Variants in KLHL1 observed in about 807,000 individuals in gnomAD.
The protein encoded by KLHL1 is kelch-like protein 1.
Under a neutral mutation model 77.7 loss-of-function variants are expected in KLHL1, and 47 were observed. The ratio of observed to expected loss-of-function variants is 0.60; its 90% CI spans 0.48 to 0.77. KLHL1 has a LOEUF of 0.77. Among genes scored for constraint, KLHL1 ranks in the 30% least tolerant of loss-of-function variants. The probability of loss-of-function intolerance (pLI) is 0.00; values close to 1 mark genes in which losing one functional copy is unlikely to be tolerated. For missense variants in KLHL1, 925 were observed against 910.8 expected, an observed-to-expected ratio of 1.02 and a Z score of -0.20; for synonymous variants, 360 against 325.2, an observed-to-expected ratio of 1.11 and a Z score of -1.15.
At chr13:69,823,227 T>C (rs1878410961) in intron 6 of KLHL1, among the ~76,000 whole-genome samples, 1 of 152,176 alleles carries the variant, frequency 6.6e-6, no homozygotes, top group South Asian at 2.1e-4. Context: ...TGCTCTTGCA[T>C]CAGCATGTAC....
At chr13:69,752,126 T>C (rs951559946) in intron 7 of KLHL1, among the ~76,000 whole-genome samples, 1 of 152,156 alleles carries the variant, frequency 6.6e-6, no homozygotes, top group African/African-American at 2.4e-5. Flanking sequence ...CTTAGAAAAG[T>C]GCTTGGCACA....
At chr13:69,840,655 T>C (rs991765201) in intron 5 of KLHL1, among the ~76,000 whole-genome samples, 5 of 151,686 alleles carry the variant, frequency 3.3e-5, no homozygotes, top group African/African-American at 1.2e-4. Flanking sequence ...TAGCTGCCTT[T>C]CTACGCACTT....
At chr13:69,879,531 G>A (rs906626995) in intron 5 of KLHL1, among the ~76,000 whole-genome samples, 3 of 151,838 alleles carry the variant, frequency 2.0e-5, no homozygotes, top group East Asian at 1.9e-4. Context: ...TTAATCATTC[G>A]AAAAAAAGCA....
At chr13:69,940,957 A>G (rs534431901) in intron 3 of KLHL1, among the ~76,000 whole-genome samples, 3 of 151,956 alleles carry the variant, frequency 2.0e-5, no homozygotes, top group African/African-American at 7.2e-5. Context: ...TTAATTAGTA[A>G]TTCAATGAGT....
chr13:69,926,035 T>C (rs376985856), intron 4 of KLHL1, among the ~76,000 whole-genome samples: 13 of 152,368 alleles, frequency 8.5e-5, no homozygotes, highest in Admixed American at 6.5e-4. Flanking sequence ...TCAGTCTATA[T>C]AGCAAGTTCA....
At chr13:70,088,119 C>G (rs1887588839) in intron 1 of KLHL1, among the ~76,000 whole-genome samples, 1 of 152,130 alleles carries the variant, frequency 6.6e-6, no homozygotes, top group Non-Finnish European at 1.5e-5. Flanking sequence ...TCAAACACTT[C>G]TAAGTAAATA....
chr13:69,860,296 A>C (rs2194362), intron 5 of KLHL1, among the ~76,000 whole-genome samples: 58,424 of 151,814 alleles, frequency 0.38, 12,953 homozygotes, highest in African/African-American at 0.62. Context: ...AGTAGAAAAC[A>C]AACAAGTATG....
intron 1 of KLHL1, among the ~76,000 whole-genome samples, chr13:70,069,373 T>C (rs1410814890): frequency 6.6e-6 from 1 of 152,094 alleles, no homozygotes; most frequent in Non-Finnish European, 1.5e-5. Flanking sequence ...ACATATCAAC[T>C]CCTATCAAGA....
At chr13:70,088,675 C>A (rs1887602902) in intron 1 of KLHL1, among the ~76,000 whole-genome samples, 1 of 152,032 alleles carries the variant, frequency 6.6e-6, no homozygotes, top group South Asian at 2.1e-4. Context: ...CAGAGCAAGA[C>A]CCTGTCTCAT....
At chr13:69,992,987 G>C (rs1427543367) in intron 1 of KLHL1, among the ~76,000 whole-genome samples, 12 of 150,886 alleles carry the variant, frequency 8.0e-5, no homozygotes, top group Admixed American at 2.6e-4. Context: ...AAATCATATT[G>C]ATTAGTAAAT....
At chr13:69,926,365 T>C (rs919040167) in intron 4 of KLHL1, among the ~76,000 whole-genome samples, 1 of 152,306 alleles carries the variant, frequency 6.6e-6, no homozygotes, top group South Asian at 2.1e-4. Flanking sequence ...GGAAGACTAA[T>C]TGCAAGTATG....
intron 4 of KLHL1, among the ~76,000 whole-genome samples, chr13:69,929,120 T>G (rs943118781): frequency 1.9e-5 from 1 of 53,934 alleles, no homozygotes; most frequent in Non-Finnish European, 5.2e-5. Flanking sequence ...AACAAGATAT[T>G]TGTAGAATCA....
intron 9 of KLHL1, among the ~76,000 whole-genome samples, chr13:69,713,990 T>C (rs1433963023): frequency 6.6e-6 from 1 of 152,156 alleles, no homozygotes; most frequent in Admixed American, 6.6e-5. Context: ...CAGGCTCTTA[T>C]GCTGATGATG....
chr13:69,895,238 C>G (rs1881587176), intron 4 of KLHL1, among the ~76,000 whole-genome samples: 1 of 152,140 alleles, frequency 6.6e-6, no homozygotes, highest in South Asian at 2.1e-4. Flanking sequence ...CTGGCAGCAT[C>G]TGGTCCCTTT....
chr13:69,715,491 A>G (rs1039639968), intron 9 of KLHL1, among the ~76,000 whole-genome samples: 9 of 149,200 alleles, frequency 6.0e-5, no homozygotes, highest in African/African-American at 2.2e-4. Context: ...TCTTTTCTTT[A>G]TAAATTACCC....
chr13:69,896,678 T>C (rs1406739450), intron 4 of KLHL1, among the ~76,000 whole-genome samples: 1 of 151,936 alleles, frequency 6.6e-6, no homozygotes, highest in Non-Finnish European at 1.5e-5. Flanking sequence ...AAATTTTTTT[T>C]TTTTTTTTGA....
intron 4 of KLHL1, among the ~76,000 whole-genome samples, chr13:69,895,797 C>T (rs1232755869): frequency 8.7e-5 from 13 of 150,008 alleles, no homozygotes; most frequent in Admixed American, 8.6e-4. Flanking sequence ...GCTACCATCT[C>T]CCAGGTTCAA....
chr13:70,080,400 A>AT (rs1887365753), intron 1 of KLHL1, among the ~76,000 whole-genome samples: 1 of 152,124 alleles, frequency 6.6e-6, no homozygotes, highest in African/African-American at 2.4e-5. Context: ...AAATTAAGTT[A>AT]TTTTTTAAAA....
chr13:70,085,578 A>C (rs567360474), intron 1 of KLHL1, among the ~76,000 whole-genome samples: 82 of 152,236 alleles, frequency 5.4e-4, no homozygotes, highest in African/African-American at 2.0e-3. Context: ...ACAAACACTG[A>C]ATGGGCTGGG....
Sources: gnomAD v4.1 joint callset for allele counts (sites outside exome capture counted in the v4.1 genomes callset) on GRCh38, gnomAD v4.1.1 for gene constraint, MANE v1.5 for transcripts, NCBI Gene and HGNC (gene_info 2026-07-23, HGNC 2026-07-21) for gene names.